The following ARHGAP21 variants were observed in gnomAD, a reference collection of about 807,000 sequenced individuals.
ARHGAP21 encodes rho GTPase-activating protein 21.
Under a neutral mutation model 164.6 loss-of-function variants are expected in ARHGAP21, and 38 were observed. The observed-to-expected ratio is 0.23, with a 90% CI of 0.18 to 0.30. ARHGAP21 has a LOEUF of 0.30. Ranked by LOEUF, ARHGAP21 falls within the 10% of genes least tolerant of loss-of-function variation. The pLI, the probability that ARHGAP21 is intolerant of heterozygous loss-of-function variation, is 1.00. For synonymous variants in ARHGAP21, 766 were observed against 857.9 expected, an observed-to-expected ratio of 0.89 and a Z score of 1.87; for missense variants, 1,822 against 2,370.7, an observed-to-expected ratio of 0.77 and a Z score of 4.81.
rs188189138 is a variant in ARHGAP21, at chr10:24,709,012, T to C, written c.63+12825A>G. On this transcript the variant is annotated intron_variant, in intron 2 of 25. Coordinates refer to ENST00000396432, the MANE Select transcript of ARHGAP21 (RefSeq NM_020824.4). ...TAAGAAATCTCCACACAGTTTTCCATAGAGGTTGTAACAAAGAAAAGAGAG... is the reference window on the plus strand; with the variant it reads ...TAAGAAATCTCCACACAGTTTTCCACAGAGGTTGTAACAAAGAAAAGAGAG... 8.5e-5 allele frequency among the ~76,000 whole-genome samples: 13 copies of C among 152,220 alleles called. No individual in the cohort carries two copies. The East Asian group carries it at 2.1e-3, about 25-fold the overall frequency.
At chr10:24,630,950 T>C (rs1406725697) in intron 6 of ARHGAP21, among the ~76,000 whole-genome samples, 2 of 152,216 alleles carry the variant, frequency 1.3e-5, no homozygotes, top group African/African-American at 4.8e-5. Flanking sequence ...TTTAGTGCCT[T>C]TACAGGGACA....
At chr10:24,607,396 G>T in intron 11 of ARHGAP21, 103 bp downstream of exon 11, 2 of 965,300 alleles carry the variant, frequency 2.1e-6, no homozygotes, top group Non-Finnish European at 3.1e-6. Flanking sequence ...TAATGTCAAA[G>T]TTAGAAAACA....
chr10:24,671,539 A>G (rs979944672), intron 2 of ARHGAP21, among the ~76,000 whole-genome samples: 1 of 152,052 alleles, frequency 6.6e-6, no homozygotes, highest in African/African-American at 2.4e-5. Flanking sequence ...TTCTGCTATG[A>G]TGGATAAGCC....
chr10:24,594,027 T>C (rs2076465406), intron 21 of ARHGAP21, among the ~76,000 whole-genome samples: 1 of 152,170 alleles, frequency 6.6e-6, no homozygotes, highest in African/African-American at 2.4e-5. Context: ...GCACAGTCAC[T>C]AAACTGATCT....
chr10:24,689,946 ATGTG>A lies in ARHGAP21; in HGVS notation c.64-19553_64-19550del, dbSNP rs58990664. On this transcript the variant is annotated intron_variant, in intron 2 of 25. Transcript: ENST00000396432. ...TATGTATGTATATGTATATATGTAT[ATGTG>A]TGTGTGTGTGTGTGTATATACACAT... Among the ~76,000 whole-genome samples the A allele has an allele frequency of 8.2e-3, 626 of 76,552 alleles. 12 individuals are homozygous for A. The highest frequency in any genetic ancestry group is 0.054 in the South Asian group (140 of 2,584). 50.2% of individuals were successfully genotyped at this position (76,552 alleles called of 152,430 possible). A position where few individuals can be genotyped will look rare whatever the true frequency, so the allele number is the denominator to read the frequency against.
chr10:24,625,311 A>AAAAAAAAAAAAAAAC (rs1835027544), intron 7 of ARHGAP21, among the ~76,000 whole-genome samples: 1 of 150,488 alleles, frequency 6.6e-6, no homozygotes, highest in Non-Finnish European at 1.5e-5. Context: ...AAAAAAAAAA[A>AAAAAAAAAAAAAAAC]AAAAAAAAAA....
chr10:24,721,473 C>G (rs1367586932), intron 2 of ARHGAP21, among the ~76,000 whole-genome samples: 1 of 152,228 alleles, frequency 6.6e-6, no homozygotes, highest in African/African-American at 2.4e-5. Context: ...CCACCCCCAA[C>G]CAGCTCAACT....
Position 24,584,880 on chromosome 10 carries a change from T to A in ARHGAP21, c.5409A>T (p.Thr1803=). The A allele has an allele frequency of 1.2e-6, 2 of 1,613,936 alleles. No homozygotes were observed. The highest frequency in any genetic ancestry group is 2.2e-5 in the East Asian group (1 of 44,880). ...AKRKSIRRRH[T]LGGHRDATEI... is the part of the protein sequence containing the mutation. ...CGGTAGCATCTCTGTGCCCTCCTAGTGTATGTCTGCGCCGGATGCTTTTCC... is the reference window on the plus strand; with the variant it reads ...CGGTAGCATCTCTGTGCCCTCCTAGAGTATGTCTGCGCCGGATGCTTTTCC... Residue 1803 remains threonine (T), a synonymous_variant, in exon 26 of 26, where the codon ACA becomes ACT. Transcript: ENST00000396432.
chr10:24,611,510 C>G (rs2077261372), intron 9 of ARHGAP21, among the ~76,000 whole-genome samples: 1 of 152,106 alleles, frequency 6.6e-6, no homozygotes, highest in Non-Finnish European at 1.5e-5. Flanking sequence ...TCGAGACCAG[C>G]CTGGCCAACA....
At chr10:24,621,772 GAA>G (rs2131200872) in intron 8 of ARHGAP21, among the ~76,000 whole-genome samples, 2 of 152,226 alleles carry the variant, frequency 1.3e-5, no homozygotes, top group South Asian at 4.1e-4. Flanking sequence ...GAGAAAAGGT[GAA>G]AATATTAAAA....
At chr10:24,646,245 T>G (rs1422616473) in intron 4 of ARHGAP21, among the ~76,000 whole-genome samples, 1 of 152,152 alleles carries the variant, frequency 6.6e-6, no homozygotes, top group Non-Finnish European at 1.5e-5. Flanking sequence ...CAATGTAGGC[T>G]AACTAGCTGG....
In ARHGAP21 at chr10:24,583,826, T is replaced by C. The variant is rs2075990797; in HGVS notation, c.*586A>G. On this transcript the variant is annotated 3_prime_UTR_variant, in exon 26 of 26. Coordinates refer to ENST00000396432, the MANE Select transcript of ARHGAP21 (RefSeq NM_020824.4). The stretch of plus-strand genomic sequence containing the variant: ...TACACATTTAATATGTTCATTTAAG[T>C]TACGTATTTTACAGAAAGATTAAAA... 6.6e-6 allele frequency: 1 copy of C among 152,636 alleles called. No individual in the cohort carries two copies. Among genetic ancestry groups the C allele is most frequent in the African/African-American group, 2.4e-5 (1 of 41,434 alleles). The allele number at this position is 152,636 out of a possible 1,614,324, so 9.5% of individuals were successfully genotyped here. A position where few individuals can be genotyped will look rare whatever the true frequency, so the allele number is the denominator to read the frequency against.
chr10:24,659,401 C>G (rs535578234), intron 4 of ARHGAP21, among the ~76,000 whole-genome samples: 2 of 152,058 alleles, frequency 1.3e-5, no homozygotes, highest in East Asian at 3.9e-4. Context: ...CTGCAATCTC[C>G]GCCTCCCGGG....
intron 8 of ARHGAP21, among the ~76,000 whole-genome samples, chr10:24,622,253 G>A (rs1396702804): frequency 6.6e-6 from 1 of 151,254 alleles, no homozygotes; most frequent in African/African-American, 2.4e-5. Context: ...TGCAACACAG[G>A]GACTATGTTC....
chr10:24,591,370 A>G, intron 23 of ARHGAP21, 40 bp from the exon 24 acceptor site: 1 of 1,512,132 alleles, frequency 6.6e-7, no homozygotes, highest in Non-Finnish European at 9.1e-7. Context: ...CATCTCTTCA[A>G]AGATACTTTC....
intron 21 of ARHGAP21, among the ~76,000 whole-genome samples, chr10:24,593,471 T>A (rs2076427906): frequency 6.6e-6 from 1 of 152,154 alleles, no homozygotes; most frequent in Non-Finnish European, 1.5e-5. Context: ...TAACAAACAT[T>A]AATATTTATA....
At chr10:24,612,390 A>G (rs2077301728) in intron 9 of ARHGAP21, among the ~76,000 whole-genome samples, 1 of 152,228 alleles carries the variant, frequency 6.6e-6, no homozygotes, top group Non-Finnish European at 1.5e-5. Context: ...GTTCCAAAAC[A>G]GCAACAGCAT....
chr10:24,679,722 G>A (rs1010978861), intron 2 of ARHGAP21, among the ~76,000 whole-genome samples: 2 of 152,158 alleles, frequency 1.3e-5, no homozygotes, highest in African/African-American at 4.8e-5. Flanking sequence ...ATGATGATGA[G>A]TATCTTTTCA....
chr10:24,614,307 C>G (rs1022903764), intron 9 of ARHGAP21, among the ~76,000 whole-genome samples: 3 of 152,106 alleles, frequency 2.0e-5, no homozygotes, highest in African/African-American at 7.2e-5. Flanking sequence ...TTCAAAAGGC[C>G]TACAATTACG....
Sources: allele counts gnomAD v4.1 joint callset (sites outside exome capture counted in the v4.1 genomes callset), GRCh38; gene constraint gnomAD v4.1.1; transcripts MANE v1.5; gene names NCBI Gene and HGNC (gene_info 2026-07-23, HGNC 2026-07-21).